The following GCC1 variants were observed in gnomAD, a reference collection of about 807,000 sequenced individuals.
GCC1 encodes the protein GRIP and coiled-coil domain containing 1.
GCC1 carries 36 observed loss-of-function variants against 62.5 expected under a neutral mutation model. That is an observed-to-expected ratio of 0.58 (90% CI 0.44 to 0.76). GCC1 has a LOEUF of 0.76. GCC1 is among the 30% of genes least tolerant of loss of function. The pLI, the probability that GCC1 is intolerant of heterozygous loss-of-function variation, is 0.00. For synonymous variants in GCC1, 391 were observed against 386.8 expected, an observed-to-expected ratio of 1.01 and a Z score of -0.13; for missense variants, 885 against 948.3, an observed-to-expected ratio of 0.93 and a Z score of 0.88.
In GCC1 at chr7:127,584,955, G is replaced by A. The variant is rs141208377; in HGVS notation, c.228C>T (p.Gly76=). The change falls in exon 1 of 2, where the codon GGC becomes GGT. Residue 76 remains glycine, a synonymous_variant. Transcript: ENST00000321407. ...CATCCACAGAGTCAGGAAAGGTGAG[G>A]CCTGGAAGCTGGACACCTGCGAGGC... The part of the protein sequence containing the change: ...DVGLAGVQLP[G]LTFPDSVDDR... 9 of 1,614,062 alleles carry A rather than the reference G, an allele frequency of 5.6e-6. No individual in the cohort carries two copies. Among genetic ancestry groups the A allele is most frequent in the Non-Finnish European group, 7.6e-6 (9 of 1,180,042 alleles).
At chr7:127,583,489 C>G (rs995150035) in intron 1 of GCC1, among the ~76,000 whole-genome samples, 180 bp from the exon 2 acceptor site, 5 of 152,162 alleles carry the variant, frequency 3.3e-5, no homozygotes, top group African/African-American at 9.7e-5. Context: ...TTGGATTCTG[C>G]AAGACACATA....
chr7:127,585,329 T>C lies in GCC1; in HGVS notation c.-147A>G. 1 of 762,628 alleles carries C rather than the reference T, an allele frequency of 1.3e-6. No homozygotes were observed. Among genetic ancestry groups the C allele is most frequent in the Non-Finnish European group, 2.0e-6 (1 of 488,828 alleles). 47.2% of individuals were successfully genotyped at this position (762,628 alleles called of 1,614,324 possible). On this transcript the variant is annotated 5_prime_UTR_variant, in exon 1 of 2. Transcript: ENST00000321407. The stretch of plus-strand genomic sequence containing the variant: ...CTCCACCTAGTTATCCCGGACCTAA[T>C]GCGGAACGGCCGGACGGACTGGCGA...
chr7:127,584,996 G>A lies in GCC1; in HGVS notation c.187C>T (p.His63Tyr). Residue 63 changes from histidine (H) to tyrosine (Y), a missense_variant, in exon 1 of 2, where the codon CAC becomes TAC. His to Tyr is a moderately conservative substitution (Grantham distance 83). Coordinates refer to ENST00000321407, the MANE Select transcript of GCC1 (RefSeq NM_024523.6). ...CCTGCGAGGCCCACATCTGCCTCGT[G>A]GGATACCGACAGCACCTTGATGCTG... ...EASIKVLSVS[H>Y]EADVGLAGVQ... 1 of 1,614,166 alleles carries A rather than the reference G, an allele frequency of 6.2e-7. No individual in the cohort carries two copies. The highest frequency in any genetic ancestry group is 1.1e-5 in the South Asian group (1 of 91,074).
In GCC1 at chr7:127,583,189, G is replaced by C. The variant is rs766598083; in HGVS notation, c.1153C>G (p.Gln385Glu). 5.6e-6 allele frequency: 9 copies of C among 1,613,974 alleles called. No individual in the cohort carries two copies. In the East Asian group the frequency reaches 6.7e-5, roughly 12 times the overall value. Residue 385 changes from glutamine to glutamate, a missense_variant, in exon 2 of 2, where the codon CAG becomes GAG. Transcript: ENST00000321407. ...TTCTGAATGGCCAGCTGGTCCTTCT[G>C]CTTGGCTTTCTCGTAGGTGCCTAGC... is the stretch of plus-strand genomic sequence containing the variant. Reference protein sequence around the residue: ...ELLGTYEKAKQKDQLAIQKLK... With the variant: ...ELLGTYEKAKEKDQLAIQKLK...
rs748752506 is a variant in GCC1, at chr7:127,581,970, A to C, written c.*44T>G. 6.8e-7 allele frequency: 1 copy of C among 1,460,360 alleles called. No individual in the cohort carries two copies. The highest frequency in any genetic ancestry group is 1.2e-5 in the South Asian group (1 of 82,732). 90.5% of individuals were successfully genotyped at this position (1,460,360 alleles called of 1,614,324 possible). A position where few individuals can be genotyped will look rare whatever the true frequency, so the allele number is the denominator to read the frequency against. On this transcript the variant is annotated 3_prime_UTR_variant, in exon 2 of 2. Coordinates refer to ENST00000321407, the MANE Select transcript of GCC1 (RefSeq NM_024523.6). ...CAGAAACCAGAGCCTGCCCTTTCCC[A>C]CATAAAAGAGGCACAGAAATTCCAG...
chr7:127,582,519 G>C lies in GCC1; in HGVS notation c.1823C>G (p.Ser608Cys). ...TGGCAGCCCAGAGGCCAAGGCCACA[G>C]AACGCAGTTGCTCCAGTTCCAAGTC... ...EKDLELEQLR[S>C]VALASGLPGR... The change falls in exon 2 of 2, where the codon TCT becomes TGT. Residue 608 changes from serine (S) to cysteine (C), a missense_variant. Coordinates refer to ENST00000321407, the MANE Select transcript of GCC1 (RefSeq NM_024523.6). The surrounding 1 kb of genome is among the most constrained non-coding windows in gnomAD (Gnocchi z 4.8). 6.2e-7 allele frequency: 1 copy of C among 1,612,816 alleles called. No homozygotes were observed. The highest frequency in any genetic ancestry group is 8.5e-7 in the Non-Finnish European group (1 of 1,180,028).
rs1043638831 is a variant in GCC1 at position 127,582,673 on chromosome 7, C to T, written c.1669G>A (p.Ala557Thr). ...TGCCGGTGGAGCTGCTGCAGCCGGGCCAGCTCCTGCTTCCAGTCATCAGCC... is the reference window on the plus strand; with the variant it reads ...TGCCGGTGGAGCTGCTGCAGCCGGGTCAGCTCCTGCTTCCAGTCATCAGCC... ...QEADDWKQELARLQQLHRQEL... is the reference protein window; with the variant it reads ...QEADDWKQELTRLQQLHRQEL... The change falls in exon 2 of 2, where the codon GCC (alanine) becomes ACC (threonine). Residue 557 changes from alanine (A) to threonine (T), a missense_variant. Coordinates refer to ENST00000321407, the MANE Select transcript of GCC1 (RefSeq NM_024523.6). This position sits in a 1 kb window ranked among gnomAD's most constrained non-coding sequence, Gnocchi z 4.8. 1.2e-6 allele frequency: 2 copies of T among 1,613,812 alleles called. No individual in the cohort carries two copies. Among genetic ancestry groups the T allele is most frequent in the Admixed American group, 1.7e-5 (1 of 60,034 alleles).
rs1179292432 is a variant in GCC1, at chr7:127,582,060, A to G, written c.2282T>C (p.Met761Thr). Residue 761 changes from methionine (M) to threonine (T), a missense_variant, in exon 2 of 2, where the codon ATG (methionine) becomes ACG (threonine). Met to Thr is a moderately conservative substitution (Grantham distance 81). Transcript: ENST00000321407. This position sits in a 1 kb window ranked among gnomAD's most constrained non-coding sequence, Gnocchi z 4.8. ...CCAGCTGGCACTGGTTGGGAGTCGCATTATCACTTGTTTCTCCTCTGGACT... is the reference window on the plus strand; with the variant it reads ...CCAGCTGGCACTGGTTGGGAGTCGCGTTATCACTTGTTTCTCCTCTGGACT... ...HFSPEEKQVIMRLPTSASWWP... is the reference protein window; with the variant it reads ...HFSPEEKQVITRLPTSASWWP... The G allele has an allele frequency of 1.2e-6, 2 of 1,614,096 alleles. No homozygotes were observed. The highest frequency in any genetic ancestry group is 1.7e-6 in the Non-Finnish European group (2 of 1,180,042).
rs200271393 is a variant in GCC1 at position 127,582,358 on chromosome 7, G to A, written c.1984C>T (p.Arg662Cys). ...AGTGATGTGATCTCCACCTCCTTGC[G>A]GGCCAGTTGCTCAGCGTACAGAAAG... ...TFFLYAEQLARKEVEITSLRK... is the reference protein window; with the variant it reads ...TFFLYAEQLACKEVEITSLRK... Residue 662 changes from arginine (R) to cysteine (C), a missense_variant, in exon 2 of 2, where the codon CGC (arginine) becomes TGC (cysteine). By Grantham distance (180) the Arg-to-Cys change is radical (BLOSUM62 -3). Coordinates refer to ENST00000321407, the MANE Select transcript of GCC1 (RefSeq NM_024523.6). This position sits in a 1 kb window ranked among gnomAD's most constrained non-coding sequence, Gnocchi z 4.8. The A allele has an allele frequency of 2.0e-5, 32 of 1,614,200 alleles. No homozygotes were observed. Among genetic ancestry groups the A allele is most frequent in the Admixed American group, 8.3e-5 (5 of 60,020 alleles).
chr7:127,584,015 CACTAG>C, intron 1 of GCC1, 131 bp downstream of exon 1: 1 of 730,322 alleles, frequency 1.4e-6, no homozygotes, highest in South Asian at 1.9e-5. Flanking sequence ...TTCCCAGGTT[CACTAG>C]TGGAACTTCT....
At position 127,585,562 on chromosome 7, in the gene GCC1, T is replaced by A. The variant is rs1246267476; in HGVS notation, c.-380A>T. The A allele has an allele frequency of 1.0e-5, 2 of 195,428 alleles. No homozygotes were observed. The highest frequency in any genetic ancestry group is 4.7e-5 in the African/African-American group (2 of 42,840). The allele number at this position is 195,428 out of a possible 1,614,324, so 12.1% of individuals were successfully genotyped here. A position where few individuals can be genotyped will look rare whatever the true frequency, so the allele number is the denominator to read the frequency against. On this transcript the variant is annotated 5_prime_UTR_variant, in exon 1 of 2. It removes an upstream start codon present in the reference 5' UTR. Transcript: ENST00000321407. ...GAGGGTTACGCTGAGCTCGGTCCCA[T>A]CACGACATCCTAACTAAAGCTGCCT...
Position 127,584,620 on chromosome 7 carries a change from G to A in GCC1, c.563C>T (p.Ala188Val), listed in dbSNP as rs1794177981. The A allele has an allele frequency of 3.1e-6, 5 of 1,614,068 alleles. No individual in the cohort carries two copies. ...GTCCTGTTTCATCTTTTTCTTGTCA[G>A]CCAAGTAAGAAGCCTCCATGCGGGA... is the stretch of plus-strand genomic sequence containing the variant. The part of the protein sequence containing the change: ...EKSRMEASYL[A>V]DKKKMKQDLE... Residue 188 changes from alanine (A) to valine (V), a missense_variant, in exon 1 of 2, where the codon GCT becomes GTT. Ala to Val is a moderately conservative substitution (Grantham distance 64, BLOSUM62 0). Transcript: ENST00000321407.
rs749066547 is a variant in GCC1 at position 127,584,436 on chromosome 7, C to T, written c.747G>A (p.Glu249=). Residue 249 remains glutamate (E), a synonymous_variant, in exon 1 of 2, where the codon GAG becomes GAA. Transcript: ENST00000321407. The stretch of plus-strand genomic sequence containing the variant: ...TCTCCTCCTGCAGCAGCTTCTGGAG[C>T]TCACGCAGCATCAAGGCATGGTCAC... ...EQSDHALMLR[E]LQKLLQEERT... The T allele has an allele frequency of 5.0e-6, 8 of 1,614,048 alleles. No individual in the cohort carries two copies. The South Asian group carries it at 7.7e-5, about 16-fold the overall frequency.
Position 127,582,903 on chromosome 7 carries a change from T to C in GCC1, c.1439A>G (p.Tyr480Cys), listed in dbSNP as rs150257982. 5 of 1,614,200 alleles carry C rather than the reference T, an allele frequency of 3.1e-6. No individual in the cohort carries two copies. The highest frequency in any genetic ancestry group is 1.7e-6 in the Non-Finnish European group (2 of 1,180,034). ...CAGCTGTTTCAGCTCCTGTTGGTAA[T>C]AGAGTGCAGTAGCCTTCTCCCCATC... is the stretch of plus-strand genomic sequence containing the variant. ...AADGEKATAL[Y>C]YQQELKQLKE... The change falls in exon 2 of 2, where the codon TAT becomes TGT. Residue 480 changes from tyrosine to cysteine, a missense_variant. Tyr to Cys is a radical substitution (Grantham distance 194). Transcript: ENST00000321407. The surrounding 1 kb of genome is among the most constrained non-coding windows in gnomAD (Gnocchi z 4.8).
Position 127,581,941 on chromosome 7 carries a change from G to A in GCC1, c.*73C>T, listed in dbSNP as rs767784134. The A allele has an allele frequency of 1.1e-4, 124 of 1,116,426 alleles. No individual in the cohort carries two copies. Among genetic ancestry groups the A allele is most frequent in the Non-Finnish European group, 1.6e-4 (121 of 759,130 alleles). The allele number at this position is 1,116,426 out of a possible 1,614,324, so 69.2% of individuals were successfully genotyped here. The stretch of plus-strand genomic sequence containing the variant: ...AATAAATGACAATGTAAGAGAAGAG[G>A]CAGCAGAAACCAGAGCCTGCCCTTT... On this transcript the variant is annotated 3_prime_UTR_variant, in exon 2 of 2. Coordinates refer to ENST00000321407, the MANE Select transcript of GCC1 (RefSeq NM_024523.6).
Position 127,582,244 on chromosome 7 carries a change from C to T in GCC1, c.2098G>A (p.Ala700Thr), listed in dbSNP as rs1479136663. ...TTTTCGATGTGGCTCTGCAGGGCTG[C>T]AACCTCCTCACGATGCCGTTCGCCC... ...EEGERHREEV[A>T]ALQSHIEKNI... is the part of the protein sequence containing the mutation. The change falls in exon 2 of 2, where the codon GCA (alanine) becomes ACA (threonine). Residue 700 changes from alanine (A) to threonine (T), a missense_variant. By Grantham distance (58) the Ala-to-Thr change is moderately conservative (BLOSUM62 0). Coordinates refer to ENST00000321407, the MANE Select transcript of GCC1 (RefSeq NM_024523.6). This position sits in a 1 kb window ranked among gnomAD's most constrained non-coding sequence, Gnocchi z 4.8. 6.2e-7 allele frequency: 1 copy of T among 1,614,194 alleles called. No individual in the cohort carries two copies. Among genetic ancestry groups the T allele is most frequent in the African/African-American group, 1.3e-5 (1 of 75,054 alleles).
chr7:127,582,966 A>G lies in GCC1; in HGVS notation c.1376T>C (p.Leu459Pro). ...KSQVTLDVEK[L>P]CDLEIMPSSE... ...GCTGGGCATTATCTCCAGGTCACAG[A>G]GCTTCTCCACATCCAGGGTCACCTG... The change falls in exon 2 of 2, where the codon CTC becomes CCC. Residue 459 changes from leucine to proline, a missense_variant. By Grantham distance (98) the Leu-to-Pro change is moderately conservative. Coordinates refer to ENST00000321407, the MANE Select transcript of GCC1 (RefSeq NM_024523.6). This position sits in a 1 kb window ranked among gnomAD's most constrained non-coding sequence, Gnocchi z 4.8. 6.2e-7 allele frequency: 1 copy of G among 1,614,088 alleles called. No individual in the cohort carries two copies. The highest frequency in any genetic ancestry group is 1.1e-5 in the South Asian group (1 of 91,078).
rs753426587 is a variant in GCC1 at position 127,582,806 on chromosome 7, G to C, written c.1536C>G (p.Asn512Lys). 23 of 1,614,040 alleles carry C rather than the reference G, an allele frequency of 1.4e-5. No homozygotes were observed. The highest frequency in any genetic ancestry group is 1.9e-5 in the Non-Finnish European group (23 of 1,180,048). The part of the protein sequence containing the change: ...VLKSKNTKDG[N>K]LGKELEAAQE... The stretch of plus-strand genomic sequence containing the variant: ...GGGCTGCCTCCAGCTCCTTTCCCAG[G>C]TTACCATCTTTGGTATTCTTGCTTT... Residue 512 changes from asparagine (N) to lysine (K), a missense_variant, in exon 2 of 2, where the codon AAC (asparagine) becomes AAG (lysine). Coordinates refer to ENST00000321407, the MANE Select transcript of GCC1 (RefSeq NM_024523.6). This position sits in a 1 kb window ranked among gnomAD's most constrained non-coding sequence, Gnocchi z 4.8.
Position 127,584,747 on chromosome 7 carries a change from C to T in GCC1, c.436G>A (p.Asp146Asn). 1 of 1,614,192 alleles carries T rather than the reference C, an allele frequency of 6.2e-7. No homozygotes were observed. The highest frequency in any genetic ancestry group is 8.5e-7 in the Non-Finnish European group (1 of 1,180,034). ...ACCTCCCCACCTGCAAATGGCCCAT[C>T]CCCACTGCTACTGCTAACGCCACTC... is the stretch of plus-strand genomic sequence containing the variant. ...SESGVSSSSG[D>N]GPFAGGEVDK... The change falls in exon 1 of 2, where the codon GAT becomes AAT. Residue 146 changes from aspartate to asparagine, a missense_variant. Transcript: ENST00000321407.
Sources: gnomAD v4.1 joint callset for allele counts (sites outside exome capture counted in the v4.1 genomes callset) on GRCh38, gnomAD v4.1.1 for gene constraint, Gnocchi (gnomAD v3.1) non-coding constraint, MANE v1.5 for transcripts, NCBI Gene and HGNC (gene_info 2026-07-23, HGNC 2026-07-21) for gene names.